SMAP1: variants seen among roughly 807,000 people sequenced by gnomAD.
The protein encoded by SMAP1 is small ArfGAP 1, also known as stromal membrane-associated protein 1.
A neutral mutation model predicts 58.5 loss-of-function variants in SMAP1; 24 were observed. That is an observed-to-expected ratio of 0.41 (90% confidence interval 0.30 to 0.58). SMAP1 has a LOEUF of 0.58. SMAP1 is among the 20% of genes least tolerant of loss of function. The pLI is 0.29. For synonymous variants in SMAP1, 216 were observed against 196.6 expected, an observed-to-expected ratio of 1.10 and a Z score of -0.82; for missense variants, 563 against 566.3, an observed-to-expected ratio of 0.99 and a Z score of 0.06.
At chr6:70,705,817 AT>A (rs1562103945) in intron 1 of SMAP1, among the ~76,000 whole-genome samples, 1 of 152,136 alleles carries the variant, frequency 6.6e-6, no homozygotes, top group Non-Finnish European at 1.5e-5. Context: ...AACTTTGCCT[AT>A]TTTTTAGTGT....
rs548062931 is a variant in SMAP1 at position 70,835,208 on chromosome 6, C to T, written c.577-1733C>T. Among the ~76,000 whole-genome samples, 17 of 145,426 alleles carry T rather than the reference C, an allele frequency of 1.2e-4. No individual in the cohort carries two copies. The South Asian group carries it at 1.3e-3, about 11-fold the overall frequency. On this transcript the variant is annotated intron_variant, in intron 6 of 10. Coordinates refer to ENST00000370455, the MANE Select transcript of SMAP1 (RefSeq NM_001044305.3). ...CGGAGCTTGCAGTGAGCCAAGATTG[C>T]GCCACTGCACTCCAGCCTGGGCTAC...
At chr6:70,845,521 A>G (rs1770954102) in intron 7 of SMAP1, among the ~76,000 whole-genome samples, 1 of 152,252 alleles carries the variant, frequency 6.6e-6, no homozygotes, top group South Asian at 2.1e-4. Context: ...AGAGGAGAAT[A>G]AAATAAGTTT....
chr6:70,671,268 T>C (rs1331782681), intron 1 of SMAP1, among the ~76,000 whole-genome samples: 2 of 152,150 alleles, frequency 1.3e-5, no homozygotes, highest in African/African-American at 4.8e-5. Context: ...TGAACTTGGC[T>C]GAGTAGGGCT....
chr6:70,759,886 C>T (rs1451190243), intron 3 of SMAP1: 2 of 448,214 alleles, frequency 4.5e-6, no homozygotes, highest in South Asian at 3.2e-5. Context: ...TAAGTGTTTG[C>T]CCTATGCCAA....
chr6:70,743,044 C>G (rs1012647848), intron 2 of SMAP1, among the ~76,000 whole-genome samples: 1 of 152,158 alleles, frequency 6.6e-6, no homozygotes, highest in African/African-American at 2.4e-5. Context: ...GGTGACAGAA[C>G]CAAACCATAT....
intron 3 of SMAP1, among the ~76,000 whole-genome samples, chr6:70,758,763 A>G (rs1303003745): frequency 1.3e-5 from 2 of 152,120 alleles, no homozygotes; most frequent in African/African-American, 2.4e-5. Context: ...GGAAAGCTAC[A>G]TTAAGATTGG....
At chr6:70,771,460 C>T (rs890979685) in intron 3 of SMAP1, among the ~76,000 whole-genome samples, 13 of 152,202 alleles carry the variant, frequency 8.5e-5, no homozygotes, top group East Asian at 5.8e-4. Flanking sequence ...CAATGGCGGG[C>T]GCCCCTCCCC....
intron 6 of SMAP1, among the ~76,000 whole-genome samples, chr6:70,809,991 T>C (rs1213901325): frequency 6.6e-6 from 1 of 152,178 alleles, no homozygotes; most frequent in Admixed American, 6.6e-5. Flanking sequence ...CAACTCCTCA[T>C]CTTTCTTTAG....
At chr6:70,832,313 G>C (rs1399405077) in intron 6 of SMAP1, among the ~76,000 whole-genome samples, 1 of 152,082 alleles carries the variant, frequency 6.6e-6, no homozygotes. Context: ...TTTTGGTGTG[G>C]AAGTAGTCTT....
intron 1 of SMAP1, among the ~76,000 whole-genome samples, chr6:70,676,396 G>A (rs1766483976): frequency 6.6e-6 from 1 of 152,166 alleles, no homozygotes; most frequent in Admixed American, 6.5e-5. Flanking sequence ...CAGTCTGGAG[G>A]AGCAAGGATG....
chr6:70,675,331 G>C (rs1766439413), intron 1 of SMAP1, among the ~76,000 whole-genome samples: 1 of 150,870 alleles, frequency 6.6e-6, no homozygotes, highest in South Asian at 2.1e-4. Context: ...ACTTAAAGTA[G>C]TGGAGCCAGA....
intron 4 of SMAP1, among the ~76,000 whole-genome samples, chr6:70,775,227 A>T (rs188678439): frequency 7.4e-4 from 112 of 152,180 alleles, no homozygotes; most frequent in African/African-American, 2.6e-3. Context: ...AGTGTAATGT[A>T]TTTTCATATG....
chr6:70,696,196 A>C (rs1767397309), intron 1 of SMAP1, among the ~76,000 whole-genome samples: 1 of 151,290 alleles, frequency 6.6e-6, no homozygotes, highest in African/African-American at 2.4e-5. Flanking sequence ...TTATCTTTTC[A>C]AAAAAAACAG....
At chr6:70,787,230 G>A (rs958673794) in intron 4 of SMAP1, among the ~76,000 whole-genome samples, 67 of 152,224 alleles carry the variant, frequency 4.4e-4, no homozygotes, top group African/African-American at 1.3e-3. Flanking sequence ...TGATGCTGGG[G>A]AAACTGGCTA....
chr6:70,805,868 C>T lies in SMAP1; in HGVS notation c.576+7131C>T, dbSNP rs1021500149. On this transcript the variant is annotated intron_variant, in intron 6 of 10. Coordinates refer to ENST00000370455, the MANE Select transcript of SMAP1 (RefSeq NM_001044305.3). ...CAGCAAATATTGCTGCCTGATCTTT[C>T]CTCTGGAAGCTTCGTCCCAGAGGGG... Among the ~76,000 whole-genome samples, 6 of 152,164 alleles carry T rather than the reference C, an allele frequency of 3.9e-5. No homozygotes were observed. In the East Asian group the frequency reaches 9.6e-4, roughly 24 times the overall value.
intron 1 of SMAP1, among the ~76,000 whole-genome samples, chr6:70,731,131 A>G (rs866177647): frequency 5.3e-5 from 8 of 152,242 alleles, no homozygotes; most frequent in African/African-American, 1.4e-4. Context: ...CTTACTATAT[A>G]CATACATTTT....
intron 4 of SMAP1, among the ~76,000 whole-genome samples, chr6:70,780,473 C>T (rs1250217405): frequency 1.3e-5 from 2 of 152,010 alleles, no homozygotes; most frequent in East Asian, 1.9e-4. Flanking sequence ...TTCAGTTACT[C>T]AGGAGGCTGA....
chr6:70,710,424 G>A (rs1166289486), intron 1 of SMAP1, among the ~76,000 whole-genome samples: 1 of 149,388 alleles, frequency 6.7e-6, no homozygotes, highest in Admixed American at 6.7e-5. Flanking sequence ...CCGAGATTGC[G>A]TAGGTTGCAG....
chr6:70,821,908 T>C (rs1769907429), intron 6 of SMAP1, among the ~76,000 whole-genome samples: 1 of 152,122 alleles, frequency 6.6e-6, no homozygotes, highest in African/African-American at 2.4e-5. Flanking sequence ...TTGAAAACAT[T>C]TTTTTCTTCA....
Sources: allele counts gnomAD v4.1 joint callset (sites outside exome capture counted in the v4.1 genomes callset), GRCh38; gene constraint gnomAD v4.1.1; transcripts MANE v1.5; gene names NCBI Gene and HGNC (gene_info 2026-07-23, HGNC 2026-07-21).